The following NRXN3 variants were observed in gnomAD, a reference collection of about 807,000 sequenced individuals.
NRXN3 encodes the protein neurexin 3.
NRXN3 carries 32 observed loss-of-function variants against 137.6 expected under a neutral mutation model. That is an observed-to-expected ratio of 0.23 (90% CI 0.18 to 0.31). The LOEUF (loss-of-function observed/expected upper bound fraction) is 0.31, where lower values mean the gene tolerates loss of function less well. NRXN3 is among the 10% of genes least tolerant of loss of function. NRXN3 has a pLI of 1.00. For missense variants in NRXN3, 1,574 were observed against 2,062.5 expected (o/e 0.76, Z 4.59); for synonymous variants, 798 against 784.5 (o/e 1.02, Z -0.29).
intron 15 of NRXN3, among the ~76,000 whole-genome samples, chr14:79,131,969 G>C (rs1568382699): frequency 1.3e-5 from 2 of 152,250 alleles, no homozygotes. Context: ...CCCTTTCTTT[G>C]ACTAGGAAAG....
intron 4 of NRXN3, among the ~76,000 whole-genome samples, chr14:78,489,206 T>C (rs796836501): frequency 3.3e-5 from 5 of 152,304 alleles, no homozygotes; most frequent in African/African-American, 1.2e-4. Context: ...GTGTGTGCCA[T>C]TGGAAATCAT....
At chr14:79,086,659 C>G (rs1004745158) in intron 15 of NRXN3, among the ~76,000 whole-genome samples, 2 of 152,132 alleles carry the variant, frequency 1.3e-5, no homozygotes, top group East Asian at 1.9e-4. Flanking sequence ...ACGTCGAAGG[C>G]TTTTCCTTAA....
At chr14:78,171,871 T>C (rs2058757515) in intron 1 of NRXN3, among the ~76,000 whole-genome samples, 1 of 152,204 alleles carries the variant, frequency 6.6e-6, no homozygotes, top group African/African-American at 2.4e-5. Context: ...GTAGGATTGC[T>C]CTTCTCTGAT....
chr14:79,283,296 G>C (rs756513394), intron 15 of NRXN3, among the ~76,000 whole-genome samples: 6 of 152,060 alleles, frequency 3.9e-5, no homozygotes, highest in Non-Finnish European at 7.4e-5. Context: ...ATCTTCTTTG[G>C]ACTTAAGAGA....
intron 20 of NRXN3, among the ~76,000 whole-genome samples, chr14:79,858,813 C>A (rs887081801): frequency 1.3e-5 from 2 of 152,046 alleles, no homozygotes; most frequent in East Asian, 3.9e-4. Flanking sequence ...CCACTTGGGA[C>A]CCCCTAGCAG....
intron 15 of NRXN3, among the ~76,000 whole-genome samples, chr14:79,156,794 G>C (rs2060291075): frequency 6.6e-6 from 1 of 151,778 alleles, no homozygotes; most frequent in African/African-American, 2.4e-5. Flanking sequence ...CCATGCTAGT[G>C]TAATTAATCT....
At chr14:79,150,091 A>G (rs1219342389) in intron 15 of NRXN3, among the ~76,000 whole-genome samples, 1 of 152,030 alleles carries the variant, frequency 6.6e-6, no homozygotes, top group Non-Finnish European at 1.5e-5. Context: ...CATGTCTAAC[A>G]TGTTCCATTC....
chr14:79,038,334 C>T (rs1003441045), intron 15 of NRXN3, among the ~76,000 whole-genome samples: 2 of 151,972 alleles, frequency 1.3e-5, no homozygotes, highest in Admixed American at 6.6e-5. Context: ...AATTTAGTAG[C>T]CTTACCCTTA....
chr14:79,670,556 A>C (rs911340057), intron 17 of NRXN3, among the ~76,000 whole-genome samples: 6 of 152,136 alleles, frequency 3.9e-5, no homozygotes, highest in Non-Finnish European at 8.8e-5. Flanking sequence ...ACTTCACAAA[A>C]AAAGAAAGTA....
intron 15 of NRXN3, among the ~76,000 whole-genome samples, chr14:79,387,718 T>C (rs1025481729): frequency 2.0e-5 from 3 of 151,654 alleles, no homozygotes; most frequent in Admixed American, 6.6e-5. Context: ...TGTCCAACAA[T>C]GATAGACTGG....
chr14:79,541,658 C>G (rs1002912397), intron 16 of NRXN3, among the ~76,000 whole-genome samples: 1 of 152,158 alleles, frequency 6.6e-6, no homozygotes, highest in African/African-American at 2.4e-5. Context: ...AGGTGAGTCT[C>G]AAGAGACACA....
chr14:79,285,940 A>G (rs1312744055), intron 15 of NRXN3, among the ~76,000 whole-genome samples: 7 of 150,986 alleles, frequency 4.6e-5, no homozygotes, highest in African/African-American at 1.5e-4. Context: ...ATTGGACTCA[A>G]ACTTTCACAG....
At chr14:79,129,096 C>A (rs2057032893) in intron 15 of NRXN3, among the ~76,000 whole-genome samples, 2 of 152,128 alleles carry the variant, frequency 1.3e-5, no homozygotes, top group Admixed American at 1.3e-4. Context: ...TGCTAGCAGT[C>A]TATCAATTTT....
At chr14:79,425,234 T>C (rs2095638444) in intron 15 of NRXN3, among the ~76,000 whole-genome samples, 1 of 152,204 alleles carries the variant, frequency 6.6e-6, no homozygotes, top group African/African-American at 2.4e-5. Context: ...AGTACCTACT[T>C]CTTAGGGTTG....
intron 16 of NRXN3, among the ~76,000 whole-genome samples, chr14:79,510,172 C>T (rs2096918951): frequency 6.6e-6 from 1 of 152,156 alleles, no homozygotes; most frequent in Non-Finnish European, 1.5e-5. Context: ...CTAAGAGAAT[C>T]AAAGTTAAGT....
intron 10 of NRXN3, among the ~76,000 whole-genome samples, chr14:78,856,278 A>G (rs963566147): frequency 3.9e-5 from 6 of 152,236 alleles, no homozygotes; most frequent in African/African-American, 1.4e-4. Context: ...CTAAAAGCAT[A>G]GATGTTCTTT....
intron 15 of NRXN3, among the ~76,000 whole-genome samples, chr14:79,341,362 A>G (rs2092602308): frequency 6.6e-6 from 1 of 152,144 alleles, no homozygotes; most frequent in Non-Finnish European, 1.5e-5. Context: ...GGCAAACTGT[A>G]AGACCTTTCG....
chr14:78,506,661 T>G (rs2095999683), intron 4 of NRXN3, among the ~76,000 whole-genome samples: 1 of 96,744 alleles, frequency 1.0e-5, no homozygotes, highest in Non-Finnish European at 2.1e-5. Flanking sequence ...TTTTTTTTTT[T>G]TTTTTTTTTT....
intron 2 of NRXN3, among the ~76,000 whole-genome samples, chr14:78,261,463 A>T (rs1298199294): frequency 6.6e-6 from 1 of 152,034 alleles, no homozygotes. Flanking sequence ...TATTCTCTCC[A>T]TCTTTTAAAA....
Sources: allele counts gnomAD v4.1 joint callset (sites outside exome capture counted in the v4.1 genomes callset), GRCh38; gene constraint gnomAD v4.1.1; transcripts MANE v1.5; gene names NCBI Gene and HGNC (gene_info 2026-07-23, HGNC 2026-07-21).